RARB: variants seen among roughly 807,000 people sequenced by gnomAD.
RARB encodes retinoic acid receptor beta, also known as HBV-activated protein.
Under a neutral mutation model 51.9 loss-of-function variants are expected in RARB, and 17 were observed. That is an observed-to-expected ratio of 0.33 (90% CI 0.22 to 0.49). The LOEUF is 0.49. Among genes scored for constraint, RARB ranks in the 20% least tolerant of loss-of-function variants. RARB has a pLI of 0.99. For synonymous variants in RARB, 215 were observed against 195.4 expected (o/e 1.10, Z -0.84); for missense variants, 369 against 550.8 (o/e 0.67, Z 3.30).
At chr3:25,043,364 C>A (rs2125296011) in intron 2 of RARB, among the ~76,000 whole-genome samples, 1 of 152,338 alleles carries the variant, frequency 6.6e-6, no homozygotes, top group East Asian at 1.9e-4. Context: ...ACCAGTGACT[C>A]ATTTATTAAT....
chr3:25,446,850 TG>T (rs1708969888), intron 1 of RARB, among the ~76,000 whole-genome samples: 1 of 149,276 alleles, frequency 6.7e-6, no homozygotes, highest in South Asian at 2.1e-4. Flanking sequence ...TGAATAGGAC[TG>T]TTAGGAATAT....
intron 2 of RARB, among the ~76,000 whole-genome samples, chr3:24,959,805 C>T (rs1696099494): frequency 6.6e-6 from 1 of 152,182 alleles, no homozygotes; most frequent in Admixed American, 6.5e-5. Flanking sequence ...GGGAATGAGG[C>T]AGGAAGGAGA....
At chr3:25,541,679 C>T (rs1251211555) in intron 3 of RARB, among the ~76,000 whole-genome samples, 1 of 152,210 alleles carries the variant, frequency 6.6e-6, no homozygotes, top group Non-Finnish European at 1.5e-5. Flanking sequence ...TTTTAGGGAA[C>T]TTCTTTCTAG....
At chr3:25,258,465 G>C (rs1702920518) in intron 5 of RARB, among the ~76,000 whole-genome samples, 2 of 152,070 alleles carry the variant, frequency 1.3e-5, no homozygotes, top group Admixed American at 1.3e-4. Context: ...AAATGATTCT[G>C]ATAACATGAT....
chr3:25,234,161 A>G (rs1462964092), intron 5 of RARB, among the ~76,000 whole-genome samples: 1 of 152,134 alleles, frequency 6.6e-6, no homozygotes, highest in African/African-American at 2.4e-5. Context: ...AATATTTTCT[A>G]GAATTTACCA....
chr3:25,345,538 G>A (rs1468577775), intron 5 of RARB, among the ~76,000 whole-genome samples: 1 of 151,904 alleles, frequency 6.6e-6, no homozygotes, highest in Non-Finnish European at 1.5e-5. Flanking sequence ...GGTGGTGCAT[G>A]CCTGTAGTCC....
intron 5 of RARB, among the ~76,000 whole-genome samples, chr3:25,204,002 T>C (rs1029553986): frequency 6.6e-6 from 1 of 152,242 alleles, no homozygotes; most frequent in Admixed American, 6.5e-5. Context: ...GAAGTTCTCC[T>C]GGATAATATC....
At chr3:25,113,380 T>C (rs1699634986) in intron 3 of RARB, among the ~76,000 whole-genome samples, 1 of 152,214 alleles carries the variant, frequency 6.6e-6, no homozygotes, top group South Asian at 2.1e-4. Context: ...TTTTGTTCAT[T>C]CTGGTTTATT....
chr3:24,837,878 T>G (rs1431456156), intron 1 of RARB, among the ~76,000 whole-genome samples: 2 of 152,228 alleles, frequency 1.3e-5, no homozygotes. Flanking sequence ...TATCACTGCC[T>G]TAACACATTA....
intron 2 of RARB, among the ~76,000 whole-genome samples, chr3:24,973,261 T>G (rs1179182240): frequency 6.6e-6 from 1 of 152,050 alleles, no homozygotes; most frequent in East Asian, 1.9e-4. Flanking sequence ...TACTTGGCAC[T>G]TTTGTCAAAA....
chr3:25,375,841 A>G (rs1251331664), intron 5 of RARB, among the ~76,000 whole-genome samples: 4 of 152,166 alleles, frequency 2.6e-5, no homozygotes, highest in Non-Finnish European at 4.4e-5. Context: ...TTGAAAGGGA[A>G]TGATTAGAAG....
At chr3:25,102,240 C>A (rs1699414687) in intron 3 of RARB, among the ~76,000 whole-genome samples, 1 of 152,060 alleles carries the variant, frequency 6.6e-6, no homozygotes, top group Admixed American at 6.6e-5. Flanking sequence ...AGGTTCTTGC[C>A]ATGAAATATG....
chr3:25,137,425 T>C lies in RARB; in HGVS notation c.-280+5217T>C, dbSNP rs530997011. Among the ~76,000 whole-genome samples the C allele has an allele frequency of 1.7e-4, 26 of 152,224 alleles. No individual in the cohort carries two copies. In the South Asian group the frequency reaches 5.0e-3, roughly 29 times the overall value. The stretch of plus-strand genomic sequence containing the variant: ...TGGTAATGCTGAAATTCAGGACTAC[T>C]GGGTCATATATGTTACAGGTTTGGG... On this transcript the variant is annotated intron_variant, in intron 4 of 11. Transcript: ENST00000383772.
At position 25,430,886 on chromosome 3, in the gene RARB, T is replaced by C. The variant is rs190261979; in HGVS notation, c.157+1998T>C. The stretch of plus-strand genomic sequence containing the variant: ...AGGTTAAATGAATAAAATGTAAATA[T>C]TGCTTGTGCCCTTGCAGAGTTGCTT... On this transcript the variant is annotated intron_variant, in intron 1 of 7. Coordinates refer to ENST00000330688, the MANE Select transcript of RARB (RefSeq NM_000965.5). Among the ~76,000 whole-genome samples the C allele has an allele frequency of 9.6e-4, 145 of 151,760 alleles. 1 individual carries two copies. The highest frequency in any genetic ancestry group is 1.6e-3 in the Non-Finnish European group (111 of 67,960).
In RARB at chr3:24,933,152, T is replaced by TA. The variant is rs368853154; in HGVS notation, c.-380+74407dup. 7.4e-4 allele frequency among the ~76,000 whole-genome samples: 113 copies of TA among 152,232 alleles called. 1 individual carries two copies. In the East Asian group the frequency reaches 0.02, roughly 27 times the overall value. ...TATTTCCCTGTAATATGAATCTTTT[T>TA]AAAAAAACAATAAAAATATGCAAAT... On this transcript the variant is annotated intron_variant, in intron 2 of 11. Coordinates refer to the RARB transcript ENST00000383772.
chr3:25,335,912 T>C (rs1220554898), intron 5 of RARB, among the ~76,000 whole-genome samples: 1 of 152,214 alleles, frequency 6.6e-6, no homozygotes, highest in Non-Finnish European at 1.5e-5. Context: ...ATACATAAAC[T>C]TTCAAAGTCT....
rs906172882 is a variant in RARB at position 25,218,287 on chromosome 3, C to T, written c.178+43712C>T. Among the ~76,000 whole-genome samples, 7 of 151,948 alleles carry T rather than the reference C, an allele frequency of 4.6e-5. No individual in the cohort carries two copies. The South Asian group carries it at 1.0e-3, about 23-fold the overall frequency. On this transcript the variant is annotated intron_variant, in intron 5 of 11. Coordinates refer to the RARB transcript ENST00000383772. ...AGGAATGTGAGAGTCGCCAGCCTTG[C>T]GCCCCCACCCAGTGTGTGTGCGCGC...
At chr3:24,847,357 A>T (rs954038267) in intron 1 of RARB, among the ~76,000 whole-genome samples, 4 of 152,184 alleles carry the variant, frequency 2.6e-5, no homozygotes, top group African/African-American at 9.6e-5. Flanking sequence ...CACTCCTTGG[A>T]CTGGTATATT....
chr3:25,035,192 G>A (rs1697960587), intron 2 of RARB, among the ~76,000 whole-genome samples: 1 of 152,058 alleles, frequency 6.6e-6, no homozygotes, highest in South Asian at 2.1e-4. Flanking sequence ...CACCATCTTG[G>A]CTCACTATAG....
Sources: allele counts gnomAD v4.1 joint callset (sites outside exome capture counted in the v4.1 genomes callset), GRCh38; gene constraint gnomAD v4.1.1; transcripts MANE v1.5; gene names NCBI Gene and HGNC (gene_info 2026-07-23, HGNC 2026-07-21).